Variants in SOAT1 observed in about 807,000 individuals in gnomAD.
The protein encoded by SOAT1 is acyl-coenzyme A:cholesterol acyltransferase 1.
Under a neutral mutation model 69.5 loss-of-function variants are expected in SOAT1, and 55 were observed. The ratio of observed to expected loss-of-function variants is 0.79; its 90% CI spans 0.64 to 0.99. SOAT1 has a LOEUF of 0.99. SOAT1 is among the 50% of genes least tolerant of loss of function. The probability of loss-of-function intolerance (pLI) is 0.00; values close to 1 mark genes in which losing one functional copy is unlikely to be tolerated. For missense variants in SOAT1, 580 were observed against 669.3 expected, an observed-to-expected ratio of 0.87 and a Z score of 1.47; for synonymous variants, 231 against 224.7, an observed-to-expected ratio of 1.03 and a Z score of -0.25.
At chr1:179,302,018 T>G (rs1388446392) in intron 1 of SOAT1, among the ~76,000 whole-genome samples, 1 of 125,966 alleles carries the variant, frequency 7.9e-6, no homozygotes, top group Non-Finnish European at 1.7e-5. Flanking sequence ...CCTGTTACTA[T>G]TTAATCCTTT....
At position 179,295,234 on chromosome 1, in the gene SOAT1, G is replaced by C. The variant is rs938613969; in HGVS notation, c.-9+1298G>C. 2.0e-5 allele frequency among the ~76,000 whole-genome samples: 3 copies of C among 152,138 alleles called. No individual in the cohort carries two copies. In the South Asian group the frequency reaches 6.2e-4, roughly 31 times the overall value. On this transcript the variant is annotated intron_variant, in intron 1 of 15. Transcript: ENST00000367619. ...CTGGCTTTATTTTTGTTACTGGAAA[G>C]CTTCATTTTCTTTCCTCTCTTGGCT...
In SOAT1 at chr1:179,325,147, A is replaced by AATTT. The variant is rs1553245742; in HGVS notation, c.177+1652_177+1653insATTT. ...TCTATTCTTGCAAGTTTAGTGACTA[A>AATTT]TTTTTTTTTTTTTTTTTTTTGAGAC... On this transcript the variant is annotated intron_variant, in intron 3 of 15. Coordinates refer to ENST00000367619, the MANE Select transcript of SOAT1 (RefSeq NM_003101.6). 3.3e-3 allele frequency among the ~76,000 whole-genome samples: 315 copies of AATTT among 96,832 alleles called. 1 individual carries two copies. The highest frequency in any genetic ancestry group is 0.012 in the African/African-American group (301 of 25,932). 63.5% of individuals were successfully genotyped at this position (96,832 alleles called of 152,430 possible). A position where few individuals can be genotyped will look rare whatever the true frequency, so the allele number is the denominator to read the frequency against.
intron 9 of SOAT1, 61 bp from the exon 10 acceptor site, chr1:179,343,529 G>A (rs1666416099): frequency 7.0e-7 from 1 of 1,423,730 alleles, no homozygotes; most frequent in African/African-American, 1.4e-5. Flanking sequence ...AATTGTGAGG[G>A]TCTTTATTCA....
At chr1:179,298,152 G>A (rs1331471045) in intron 1 of SOAT1, among the ~76,000 whole-genome samples, 1 of 150,674 alleles carries the variant, frequency 6.6e-6, no homozygotes, top group Non-Finnish European at 1.5e-5. Context: ...TGGTGTGATT[G>A]AGGTTCACTG....
rs1030535196 is a variant in SOAT1, at chr1:179,355,339, T to C, written c.*1698T>C. 6.6e-6 allele frequency: 1 copy of C among 152,174 alleles called. No homozygotes were observed. The highest frequency in any genetic ancestry group is 1.5e-5 in the Non-Finnish European group (1 of 68,032). The allele number at this position is 152,174 out of a possible 1,614,324, so 9.4% of individuals were successfully genotyped here. A position where few individuals can be genotyped will look rare whatever the true frequency, so the allele number is the denominator to read the frequency against. ...ATTTATAACTGCATTTTAAATATAT[T>C]GGGGACAGATTGCGCTGAGACCTGG... On this transcript the variant is annotated 3_prime_UTR_variant, in exon 16 of 16. Transcript: ENST00000367619.
chr1:179,338,725 C>T (rs28523347), intron 5 of SOAT1, among the ~76,000 whole-genome samples: 39,691 of 151,888 alleles, frequency 0.26, 5,349 homozygotes, highest in East Asian at 0.46. Flanking sequence ...AGAATTTATA[C>T]ATGAAAAATA....
chr1:179,317,641 GTT>G (rs34050254), intron 2 of SOAT1, among the ~76,000 whole-genome samples: 23 of 142,830 alleles, frequency 1.6e-4, no homozygotes, highest in Non-Finnish European at 1.8e-4. Context: ...ATCATCATAG[GTT>G]TTTTTTTTTT....
At chr1:179,318,772 A>G (rs1479865438) in intron 2 of SOAT1, among the ~76,000 whole-genome samples, 1 of 152,196 alleles carries the variant, frequency 6.6e-6, no homozygotes, top group African/African-American at 2.4e-5. Flanking sequence ...CGTTTCACCC[A>G]TATTATAGCA....
At chr1:179,340,839 A>G (rs1056391502) in intron 6 of SOAT1, among the ~76,000 whole-genome samples, 189 bp from the exon 7 acceptor site, 1 of 150,678 alleles carries the variant, frequency 6.6e-6, no homozygotes, top group Non-Finnish European at 1.5e-5. Flanking sequence ...ATATATATAT[A>G]TATTGTAAAG....
At chr1:179,343,851 A>C (rs935855724) in intron 10 of SOAT1, among the ~76,000 whole-genome samples, 1 of 152,238 alleles carries the variant, frequency 6.6e-6, no homozygotes, top group Non-Finnish European at 1.5e-5. Context: ...GGCTGGGCGC[A>C]GTGGCTTGCG....
rs757948059 is a variant in SOAT1, at chr1:179,347,601, T to C, written c.1119T>C (p.Gly373=). Residue 373 remains glycine, a splice_region_variant and synonymous_variant, in exon 12 of 16, where the codon GGT becomes GGC. Transcript: ENST00000367619. The part of the protein sequence containing the change: ...VLCVFNSILP[G]VLILFLTFFA... ...TAATATTGTTAATCTTATTTTTAGG[T>C]GTGCTGATTCTCTTCCTTACTTTTT... is the stretch of plus-strand genomic sequence containing the variant. 18 of 1,590,880 alleles carry C rather than the reference T, an allele frequency of 1.1e-5. No individual in the cohort carries two copies. Among genetic ancestry groups the C allele is most frequent in the Admixed American group, 1.0e-4 (6 of 59,550 alleles).
At chr1:179,345,133 C>T in intron 11 of SOAT1, 57 bp downstream of exon 11, 1 of 1,577,294 alleles carries the variant, frequency 6.3e-7, no homozygotes, top group Non-Finnish European at 8.7e-7. Context: ...AAATAGAAAG[C>T]TATTGCCTAT....
At chr1:179,294,652 C>G (rs895255661) in intron 1 of SOAT1, among the ~76,000 whole-genome samples, 2 of 152,202 alleles carry the variant, frequency 1.3e-5, no homozygotes, top group Non-Finnish European at 2.9e-5. Flanking sequence ...GTGCCTCAGC[C>G]TCCTGAGTAG....
intron 3 of SOAT1, among the ~76,000 whole-genome samples, chr1:179,324,114 A>T (rs1236836184): frequency 6.6e-6 from 1 of 152,232 alleles, no homozygotes; most frequent in Non-Finnish European, 1.5e-5. Flanking sequence ...CTATATAAAC[A>T]TCCGGTGATG....
intron 3 of SOAT1, among the ~76,000 whole-genome samples, chr1:179,332,859 C>T (rs920734634): frequency 2.6e-5 from 4 of 152,120 alleles, no homozygotes; most frequent in African/African-American, 9.7e-5. Context: ...CAATAATAAG[C>T]AGTTACTCGT....
chr1:179,328,132 C>T (rs908006371), intron 3 of SOAT1, among the ~76,000 whole-genome samples: 2 of 152,156 alleles, frequency 1.3e-5, no homozygotes, highest in Non-Finnish European at 1.5e-5. Context: ...CAAGGTCTCA[C>T]TATGTTGCCC....
intron 3 of SOAT1, among the ~76,000 whole-genome samples, chr1:179,324,195 A>C (rs1416812315): frequency 6.6e-6 from 1 of 152,228 alleles, no homozygotes; most frequent in African/African-American, 2.4e-5. Context: ...TTTATAGAAT[A>C]ATCTAGATTT....
rs143261487 is a variant in SOAT1, at chr1:179,335,605, G to A, written c.277G>A (p.Ala93Thr). Residue 93 changes from alanine (A) to threonine (T), a missense_variant, in exon 4 of 16, where the codon GCT becomes ACT. Coordinates refer to ENST00000367619, the MANE Select transcript of SOAT1 (RefSeq NM_003101.6). ...KSASLDNGGC[A>T]LTTFSVLEGE... is the part of the protein sequence containing the mutation. ...AGCATCATTAGATAATGGTGGGTGCGCTCTCACAACCTTTTCTGTTCTTGA... is the reference window on the plus strand; with the variant it reads ...AGCATCATTAGATAATGGTGGGTGCACTCTCACAACCTTTTCTGTTCTTGA... The A allele has an allele frequency of 3.4e-5, 55 of 1,613,702 alleles. 1 individual carries two copies. In the South Asian group the frequency reaches 4.6e-4, roughly 14 times the overall value.
At chr1:179,336,330 G>A (rs1394454281) in intron 4 of SOAT1, among the ~76,000 whole-genome samples, 3 of 150,966 alleles carry the variant, frequency 2.0e-5, no homozygotes, top group East Asian at 2.0e-4. Context: ...GGACGTGGTC[G>A]TGCACGCCTG....
Sources: gnomAD v4.1 joint callset for allele counts (sites outside exome capture counted in the v4.1 genomes callset) on GRCh38, gnomAD v4.1.1 for gene constraint, MANE v1.5 for transcripts, NCBI Gene and HGNC (gene_info 2026-07-23, HGNC 2026-07-21) for gene names.